The following MINDY3 variants were observed in gnomAD, a reference collection of about 807,000 sequenced individuals.
MINDY3 encodes the protein MINDY lysine 48 deubiquitinase 3.
MINDY3 carries 38 observed loss-of-function variants against 69.2 expected under a neutral mutation model. The ratio of observed to expected loss-of-function variants is 0.55; its 90% CI spans 0.42 to 0.72. The LOEUF (loss-of-function observed/expected upper bound fraction) is 0.72. Among genes scored for constraint, MINDY3 ranks in the 30% least tolerant of loss-of-function variants. The pLI, the probability that MINDY3 is intolerant of heterozygous loss-of-function variation, is 0.00. For missense variants in MINDY3, 522 were observed against 519.0 expected (o/e 1.01, Z -0.06); for synonymous variants, 192 against 180.1 (o/e 1.07, Z -0.53).
intron 4 of MINDY3, among the ~76,000 whole-genome samples, chr10:15,840,238 G>C (rs964632248): frequency 5.3e-5 from 8 of 151,650 alleles, no homozygotes; most frequent in African/African-American, 1.9e-4. Context: ...ACCAATCTTA[G>C]TGACACTTTG....
intron 6 of MINDY3, among the ~76,000 whole-genome samples, chr10:15,836,022 G>A (rs754631560): frequency 6.6e-6 from 1 of 151,972 alleles, no homozygotes. Context: ...TTTTTACTGT[G>A]TTCCAATTCT....
intron 8 of MINDY3, among the ~76,000 whole-genome samples, chr10:15,825,993 A>C (rs997788944): frequency 2.5e-4 from 38 of 152,268 alleles, no homozygotes; most frequent in African/African-American, 9.1e-4. Context: ...TAAATAAACA[A>C]TATGGACAAA....
At chr10:15,834,151 T>C (rs1334035635) in intron 7 of MINDY3, among the ~76,000 whole-genome samples, 1 of 151,890 alleles carries the variant, frequency 6.6e-6, no homozygotes, top group East Asian at 1.9e-4. Flanking sequence ...TTGGTAAAAA[T>C]AGCCATAAAA....
chr10:15,844,969 C>T (rs1054641116), intron 2 of MINDY3, among the ~76,000 whole-genome samples: 1 of 152,106 alleles, frequency 6.6e-6, no homozygotes, highest in Non-Finnish European at 1.5e-5. Flanking sequence ...CCCATTTCAC[C>T]CCTGAATCTT....
intron 11 of MINDY3, among the ~76,000 whole-genome samples, chr10:15,791,726 ACT>A (rs1394697862): frequency 1.3e-5 from 2 of 152,108 alleles, no homozygotes; most frequent in East Asian, 3.9e-4. Context: ...GGGAGGAATA[ACT>A]CAATGCAAAG....
At chr10:15,849,339 C>A (rs146739935) in intron 1 of MINDY3, among the ~76,000 whole-genome samples, 2 of 152,012 alleles carry the variant, frequency 1.3e-5, no homozygotes, top group Non-Finnish European at 1.5e-5. Context: ...GAGGTGCCAG[C>A]AAATGGGCGG....
intron 6 of MINDY3, among the ~76,000 whole-genome samples, chr10:15,835,437 G>A (rs965690628): frequency 2.0e-5 from 3 of 152,032 alleles, no homozygotes; most frequent in Non-Finnish European, 2.9e-5. Flanking sequence ...ACTAAATCCC[G>A]CAGGGGGAAA....
chr10:15,818,405 T>C (rs899788100), intron 9 of MINDY3, among the ~76,000 whole-genome samples: 3 of 151,822 alleles, frequency 2.0e-5, no homozygotes, highest in Non-Finnish European at 4.4e-5. Flanking sequence ...TAAAAATATA[T>C]TGAATGCATA....
At chr10:15,781,106 A>G (rs1043513625) in intron 14 of MINDY3, among the ~76,000 whole-genome samples, 12 of 152,170 alleles carry the variant, frequency 7.9e-5, no homozygotes, top group Non-Finnish European at 1.8e-4. Flanking sequence ...TTAGAAAACA[A>G]CATCCAAGTT....
At chr10:15,839,680 A>G (rs1343681226) in intron 4 of MINDY3, among the ~76,000 whole-genome samples, 1 of 151,694 alleles carries the variant, frequency 6.6e-6, no homozygotes, top group East Asian at 1.9e-4. Context: ...AATAAAGGAA[A>G]GAACAGGTAA....
chr10:15,814,711 A>G (rs1839237143), intron 10 of MINDY3, among the ~76,000 whole-genome samples: 1 of 152,150 alleles, frequency 6.6e-6, no homozygotes, highest in Admixed American at 6.5e-5. Flanking sequence ...GACACGCAGA[A>G]AACAGTATGG....
intron 3 of MINDY3, 139 bp from the exon 4 acceptor site, chr10:15,841,738 T>G (rs2132089374): frequency 3.8e-6 from 2 of 523,718 alleles, no homozygotes; most frequent in East Asian, 6.0e-5. Flanking sequence ...AAATAGATTT[T>G]AAATTATGTC....
chr10:15,807,341 G>A (rs565643248), intron 10 of MINDY3, among the ~76,000 whole-genome samples: 1 of 152,312 alleles, frequency 6.6e-6, no homozygotes, highest in African/African-American at 2.4e-5. Context: ...CAACAAGAGA[G>A]TAGGAGAATC....
chr10:15,814,547 A>T (rs2131968939), intron 10 of MINDY3, among the ~76,000 whole-genome samples: 1 of 150,994 alleles, frequency 6.6e-6, no homozygotes, highest in Middle Eastern at 3.4e-3. Flanking sequence ...TATAAAATTC[A>T]AGAGTTCTAC....
intron 1 of MINDY3, among the ~76,000 whole-genome samples, chr10:15,853,811 C>G (rs1476751956): frequency 6.6e-6 from 1 of 151,610 alleles, no homozygotes; most frequent in Non-Finnish European, 1.5e-5. Context: ...ACTTGAGTAT[C>G]TGGCTGACAT....
At chr10:15,811,736 T>C (rs1839015453) in intron 10 of MINDY3, among the ~76,000 whole-genome samples, 1 of 152,024 alleles carries the variant, frequency 6.6e-6, no homozygotes, top group Non-Finnish European at 1.5e-5. Flanking sequence ...GGAAAAAAAA[T>C]AACATATGTG....
intron 13 of MINDY3, among the ~76,000 whole-genome samples, chr10:15,785,501 A>G: frequency 6.6e-6 from 1 of 152,288 alleles, no homozygotes; most frequent in East Asian, 1.9e-4. Context: ...TAAAATTAAT[A>G]CTGTCTCAAA....
At chr10:15,811,459 C>A (rs997679162) in intron 10 of MINDY3, among the ~76,000 whole-genome samples, 11 of 152,048 alleles carry the variant, frequency 7.2e-5, no homozygotes, top group Admixed American at 6.6e-4. Context: ...AGTCATGAGA[C>A]TATGTATAGA....
At chr10:15,781,437 T>G (rs1449312598) in intron 14 of MINDY3, among the ~76,000 whole-genome samples, 1 of 150,106 alleles carries the variant, frequency 6.7e-6, no homozygotes, top group Non-Finnish European at 1.5e-5. Context: ...TAGTATGTAC[T>G]GTAACTCATA....
Sources: allele counts gnomAD v4.1 joint callset (sites outside exome capture counted in the v4.1 genomes callset), GRCh38; gene constraint gnomAD v4.1.1; transcripts MANE v1.5; gene names NCBI Gene and HGNC (gene_info 2026-07-23, HGNC 2026-07-21).